Variants in PACS1 observed in about 807,000 individuals in gnomAD.
PACS1 encodes the protein PACS-1.
A neutral mutation model predicts 115.0 loss-of-function variants in PACS1; 24 were observed. The observed-to-expected ratio is 0.21, with a 90% CI of 0.15 to 0.29. The LOEUF is 0.29. Ranked by LOEUF, PACS1 falls within the 10% of genes least tolerant of loss-of-function variation. PACS1 has a pLI of 1.00. For missense variants in PACS1, 838 were observed against 1,251.2 expected, an observed-to-expected ratio of 0.67 and a Z score of 4.98; for synonymous variants, 453 against 504.5, an observed-to-expected ratio of 0.90 and a Z score of 1.37.
Position 66,241,451 on chromosome 11 carries a change from C to T in PACS1, c.2454C>T (p.Asp818=), listed in dbSNP as rs142615271. 255 of 1,604,544 alleles carry T rather than the reference C, an allele frequency of 1.6e-4. 4 individuals are homozygous for T. The South Asian group carries it at 1.7e-3, about 10-fold the overall frequency. The change falls in exon 22 of 24, where the codon GAC becomes GAT. Residue 818 remains aspartate (D), a synonymous_variant. Coordinates refer to ENST00000320580, the MANE Select transcript of PACS1 (RefSeq NM_018026.4). Reference sequence around the variant, plus strand: ...GGAGCCCTAATAGCCCATATGGGGACGTGATTGGCCTCCAGGTGGACTACT... The same window carrying T: ...GGAGCCCTAATAGCCCATATGGGGATGTGATTGGCCTCCAGGTGGACTACT... ...IVGSPNSPYG[D]VIGLQVDYWL... is the part of the protein sequence containing the mutation.
intron 4 of PACS1, among the ~76,000 whole-genome samples, chr11:66,213,972 T>G (rs1235632909): frequency 2.2e-5 from 3 of 139,324 alleles, no homozygotes; most frequent in Non-Finnish European, 4.5e-5. Flanking sequence ...GGTGGAGCTT[T>G]CAGTGAGCCG....
intron 1 of PACS1, among the ~76,000 whole-genome samples, chr11:66,104,031 A>G (rs1042191491): frequency 3.9e-5 from 6 of 151,978 alleles, no homozygotes; most frequent in Non-Finnish European, 7.4e-5. Context: ...AGATAGGGAC[A>G]CTTTAAAAAA....
At chr11:66,108,952 G>A (rs1858122227) in intron 1 of PACS1, among the ~76,000 whole-genome samples, 1 of 152,118 alleles carries the variant, frequency 6.6e-6, no homozygotes, top group Non-Finnish European at 1.5e-5. Context: ...CTGGATGACA[G>A]AGCAGCAAGA....
chr11:66,180,773 C>T (rs1162128039), intron 1 of PACS1, among the ~76,000 whole-genome samples: 2 of 152,186 alleles, frequency 1.3e-5, no homozygotes, highest in African/African-American at 4.8e-5. Context: ...ATCCTCCTAC[C>T]TCAGCCTCCC....
chr11:66,239,121 T>G (rs1333358467), intron 20 of PACS1, 21 bp from the exon 21 acceptor site: 1 of 1,614,012 alleles, frequency 6.2e-7, no homozygotes, highest in Non-Finnish European at 8.5e-7. Flanking sequence ...CCAACTGTGT[T>G]TGTCGTTTGT....
intron 1 of PACS1, among the ~76,000 whole-genome samples, chr11:66,190,760 C>T (rs1482209527): frequency 6.6e-6 from 1 of 152,172 alleles, no homozygotes; most frequent in Admixed American, 6.5e-5. Context: ...CACATCTCTG[C>T]TCTGAAGGGA....
chr11:66,136,232 G>A (rs906013786), intron 1 of PACS1, among the ~76,000 whole-genome samples: 7 of 149,636 alleles, frequency 4.7e-5, no homozygotes, highest in Non-Finnish European at 1.0e-4. Context: ...CCCAGGAGAG[G>A]AATGTGAAAC....
chr11:66,171,770 G>T (rs567382737), intron 1 of PACS1, among the ~76,000 whole-genome samples: 1 of 149,672 alleles, frequency 6.7e-6, no homozygotes, highest in African/African-American at 2.5e-5. Context: ...TAGTAGAGAC[G>T]GGGTTTCACC....
chr11:66,216,367 G>C, intron 5 of PACS1, 104 bp downstream of exon 5: 1 of 1,485,528 alleles, frequency 6.7e-7, no homozygotes, highest in Non-Finnish European at 9.3e-7. Flanking sequence ...GACCTTTAGA[G>C]ACCCCTGAAA....
intron 4 of PACS1, among the ~76,000 whole-genome samples, chr11:66,211,746 A>C (rs1590822138): frequency 1.3e-5 from 2 of 152,332 alleles, no homozygotes; most frequent in Admixed American, 1.3e-4. Flanking sequence ...CATCAAGATC[A>C]GGACACTAAC....
At chr11:66,118,769 C>CAAAAAAAAAA (rs397945291) in intron 1 of PACS1, among the ~76,000 whole-genome samples, 90 of 83,386 alleles carry the variant, frequency 1.1e-3, no homozygotes, top group Admixed American at 1.8e-3. Context: ...CCCATGTCTA[C>CAAAAAAAAAA]AAAAAAAAAA....
chr11:66,165,084 A>C (rs1312870422), intron 1 of PACS1, among the ~76,000 whole-genome samples: 2 of 152,164 alleles, frequency 1.3e-5, no homozygotes, highest in Non-Finnish European at 2.9e-5. Context: ...TGTCTTCCTA[A>C]GAAGGAAAGA....
At chr11:66,217,489 A>C (rs1245696469) in intron 7 of PACS1, 3 of 451,850 alleles carry the variant, frequency 6.6e-6, no homozygotes, top group South Asian at 3.1e-5. Flanking sequence ...ACCCAGAGGC[A>C]TCCTGATTCT....
At chr11:66,087,196 TG>T (rs1231477414) in intron 1 of PACS1, among the ~76,000 whole-genome samples, 1 of 152,128 alleles carries the variant, frequency 6.6e-6, no homozygotes, top group Non-Finnish European at 1.5e-5. Flanking sequence ...TGCCTGCTTT[TG>T]TACTTCACAC....
chr11:66,169,104 G>A (rs1662715008), intron 1 of PACS1, among the ~76,000 whole-genome samples: 1 of 150,484 alleles, frequency 6.6e-6, no homozygotes, highest in South Asian at 2.1e-4. Flanking sequence ...AGTGGGACTG[G>A]TGAACACCTT....
intron 1 of PACS1, among the ~76,000 whole-genome samples, chr11:66,084,602 T>C (rs1213599764): frequency 2.0e-5 from 3 of 151,776 alleles, no homozygotes; most frequent in African/African-American, 7.3e-5. Context: ...GATGAGAAAG[T>C]GGTGGGAGTC....
chr11:66,171,144 G>A (rs1859728839), intron 1 of PACS1, among the ~76,000 whole-genome samples: 2 of 150,220 alleles, frequency 1.3e-5, no homozygotes, highest in East Asian at 1.9e-4. Context: ...GCTTGTCACT[G>A]TCTTATACTT....
intron 1 of PACS1, among the ~76,000 whole-genome samples, chr11:66,090,271 C>CTTTTTTTTTTTTTTTTTTTTTTTT: frequency 9.1e-6 from 1 of 109,444 alleles, no homozygotes; most frequent in Non-Finnish European, 1.8e-5. Flanking sequence ...TCTTTCCTTT[C>CTTTTTTTTTTTTTTTTTTTTTTTT]TTTTTTTTTT....
chr11:66,168,926 A>G (rs922511669), intron 1 of PACS1, among the ~76,000 whole-genome samples: 4 of 150,578 alleles, frequency 2.7e-5, no homozygotes, highest in African/African-American at 7.5e-5. Flanking sequence ...TGGATTTCCC[A>G]AATGGGCTAT....
Sources: allele counts gnomAD v4.1 joint callset (sites outside exome capture counted in the v4.1 genomes callset), GRCh38; gene constraint gnomAD v4.1.1; transcripts MANE v1.5; gene names NCBI Gene and HGNC (gene_info 2026-07-23, HGNC 2026-07-21).